The following CLSTN1 variants were observed in gnomAD, a reference collection of about 807,000 sequenced individuals.
The protein encoded by CLSTN1 is calsyntenin 1.
CLSTN1 carries 28 observed loss-of-function variants against 108.3 expected under a neutral mutation model. That is an observed-to-expected ratio of 0.26 (90% CI 0.19 to 0.35). The LOEUF (loss-of-function observed/expected upper bound fraction) is 0.35. CLSTN1 is among the 10% of genes least tolerant of loss of function. The probability of loss-of-function intolerance (pLI) is 1.00; values close to 1 mark genes in which losing one functional copy is unlikely to be tolerated. For synonymous variants in CLSTN1, 524 were observed against 534.9 expected (o/e 0.98, Z 0.28); for missense variants, 1,157 against 1,302.6 (o/e 0.89, Z 1.72).
intron 1 of CLSTN1, among the ~76,000 whole-genome samples, chr1:9,811,370 G>A (rs766060137): frequency 6.6e-6 from 1 of 152,116 alleles, no homozygotes; most frequent in Non-Finnish European, 1.5e-5. Context: ...AACAAGAGGC[G>A]GCTCTCGTAC....
rs1320607530 is a variant in CLSTN1 at position 9,733,401 on chromosome 1, C to T, written c.2427G>A (p.Glu809=). ...TGCTCAGTGGGAGCCTTGTACTCACCTCCACCTTAAATTCGTTGCTGATGT... is the reference window on the plus strand; with the variant it reads ...TGCTCAGTGGGAGCCTTGTACTCACTTCCACCTTAAATTCGTTGCTGATGT... ...GRYISNEFKV[E]VNVIHTANPM... The change falls in exon 16 of 19, where the codon GAG becomes GAA. Residue 809 remains glutamate, a splice_region_variant and synonymous_variant. Transcript: ENST00000377298. The T allele has an allele frequency of 1.2e-6, 2 of 1,614,098 alleles. No homozygotes were observed. Among genetic ancestry groups the T allele is most frequent in the African/African-American group, 1.3e-5 (1 of 74,942 alleles).
At chr1:9,740,518 A>C (rs1016966441) in intron 10 of CLSTN1, among the ~76,000 whole-genome samples, 5 of 152,234 alleles carry the variant, frequency 3.3e-5, no homozygotes, top group African/African-American at 1.2e-4. Context: ...GTTGGCACAC[A>C]GCCTGCCACT....
Sources: gnomAD v4.1 joint callset for allele counts (sites outside exome capture counted in the v4.1 genomes callset) on GRCh38, gnomAD v4.1.1 for gene constraint, MANE v1.5 for transcripts, NCBI Gene and HGNC (gene_info 2026-07-23, HGNC 2026-07-21) for gene names.